Variants in DLG2 observed in about 807,000 individuals in gnomAD.
DLG2 encodes discs large MAGUK scaffold protein 2, also known as disks large homolog 2.
In DLG2, 45 loss-of-function variants were observed where a neutral mutation model predicts 132.5. The ratio of observed to expected loss-of-function variants is 0.34; its 90% CI spans 0.27 to 0.44. DLG2 has a LOEUF of 0.44. Among genes scored for constraint, DLG2 ranks in the 20% least tolerant of loss-of-function variants. The probability of loss-of-function intolerance (pLI) is 1.00; values close to 1 mark genes in which losing one functional copy is unlikely to be tolerated. For missense variants in DLG2, 1,045 were observed against 1,196.9 expected, an observed-to-expected ratio of 0.87 and a Z score of 1.87; for synonymous variants, 424 against 419.6, an observed-to-expected ratio of 1.01 and a Z score of -0.13.
intron 3 of DLG2, among the ~76,000 whole-genome samples, chr11:85,404,517 C>T (rs924849644): frequency 1.3e-5 from 2 of 151,838 alleles, no homozygotes; most frequent in Non-Finnish European, 2.9e-5. Context: ...AAGGATTGGG[C>T]TCTAATGGGG....
chr11:84,468,839 C>A (rs1354318651), intron 7 of DLG2, among the ~76,000 whole-genome samples: 1 of 151,594 alleles, frequency 6.6e-6, no homozygotes. Flanking sequence ...ATGTTTTAAT[C>A]CTTGCTATTT....
chr11:85,534,979 C>T (rs2075478924), intron 3 of DLG2, among the ~76,000 whole-genome samples: 1 of 152,172 alleles, frequency 6.6e-6, no homozygotes, highest in South Asian at 2.1e-4. Flanking sequence ...GTTCCCTTTT[C>T]TCCACAACCT....
At chr11:84,884,235 T>C (rs1566262112) in intron 6 of DLG2, among the ~76,000 whole-genome samples, 1 of 152,078 alleles carries the variant, frequency 6.6e-6, no homozygotes, top group Non-Finnish European at 1.5e-5. Flanking sequence ...TAGTCTGATG[T>C]TAGTTATCTC....
chr11:83,854,881 A>C (rs2060279610), intron 16 of DLG2, among the ~76,000 whole-genome samples: 1 of 123,898 alleles, frequency 8.1e-6, no homozygotes, highest in Non-Finnish European at 1.9e-5. Flanking sequence ...GACAAGCTAA[A>C]TACTGAGAGA....
At chr11:85,429,994 G>A (rs2091053148) in intron 3 of DLG2, among the ~76,000 whole-genome samples, 1 of 152,138 alleles carries the variant, frequency 6.6e-6, no homozygotes, top group South Asian at 2.1e-4. Context: ...TTAAGAAAAT[G>A]TGGCACACAT....
chr11:84,545,603 C>T (rs1170679606), intron 6 of DLG2: 2 of 350,198 alleles, frequency 5.7e-6, no homozygotes, highest in Non-Finnish European at 1.1e-5. Flanking sequence ...TGGCCATTCA[C>T]AATATGGTAC....
At chr11:83,828,054 G>A (rs2053397303) in intron 17 of DLG2, among the ~76,000 whole-genome samples, 1 of 152,104 alleles carries the variant, frequency 6.6e-6, no homozygotes, top group African/African-American at 2.4e-5. Context: ...GTGGGGATAA[G>A]GGGTAGGCCT....
intron 8 of DLG2, among the ~76,000 whole-genome samples, chr11:84,246,582 T>C (rs374419808): frequency 3.3e-5 from 5 of 152,348 alleles, no homozygotes; most frequent in Admixed American, 2.6e-4. Context: ...ATGATGAAGC[T>C]GCTAAGATCT....
intron 6 of DLG2, among the ~76,000 whole-genome samples, chr11:84,819,962 C>A (rs916613511): frequency 4.6e-5 from 7 of 151,204 alleles, no homozygotes; most frequent in African/African-American, 1.7e-4. Context: ...TATGAATCTG[C>A]TACAAAGAGG....
Position 83,457,954 on chromosome 11 carries a change from CAA to C in DLG2, c.*1862_*1863del, listed in dbSNP as rs1257796120. 2.0e-5 allele frequency: 3 copies of C among 152,594 alleles called. No homozygotes were observed. Among genetic ancestry groups the C allele is most frequent in the African/African-American group, 7.2e-5 (3 of 41,418 alleles). The allele number at this position is 152,594 out of a possible 1,614,324, so 9.5% of individuals were successfully genotyped here. On this transcript the variant is annotated 3_prime_UTR_variant, in exon 28 of 28. Coordinates refer to ENST00000376104, the MANE Select transcript of DLG2 (RefSeq NM_001142699.3). ...GTTTTGGTGACTGTAGCCAGGCAGA[CAA>C]TGATGTTTAGCGTAAGATGAACAAT...
intron 17 of DLG2, among the ~76,000 whole-genome samples, chr11:83,828,727 C>A (rs1202528439): frequency 6.6e-6 from 1 of 152,160 alleles, no homozygotes; most frequent in African/African-American, 2.4e-5. Flanking sequence ...ACATGGGTAT[C>A]TGAACCTTTT....
chr11:85,539,703 G>A (rs7939547), intron 3 of DLG2, among the ~76,000 whole-genome samples: 5,489 of 152,088 alleles, frequency 0.036, 149 homozygotes, highest in Admixed American at 0.053. Context: ...GAGTTTAACC[G>A]ATAAATATAT....
intron 15 of DLG2, among the ~76,000 whole-genome samples, chr11:83,907,073 T>A (rs1001314050): frequency 6.6e-6 from 1 of 152,250 alleles, no homozygotes; most frequent in South Asian, 2.1e-4. Flanking sequence ...CATTTGAAGA[T>A]CTCGCACTGA....
intron 6 of DLG2, among the ~76,000 whole-genome samples, chr11:84,749,134 T>C (rs530769001): frequency 2.8e-4 from 43 of 152,308 alleles, no homozygotes; most frequent in African/African-American, 8.9e-4. Flanking sequence ...CTCAGTCAAC[T>C]AGAATTTTTT....
intron 6 of DLG2, among the ~76,000 whole-genome samples, chr11:84,714,621 C>CTTTTT (rs1491491747): frequency 8.8e-6 from 1 of 114,048 alleles, no homozygotes; most frequent in African/African-American, 4.2e-5. Context: ...TTCTCTTTCT[C>CTTTTT]TTTCTCTCTC....
intron 6 of DLG2, among the ~76,000 whole-genome samples, chr11:85,034,725 G>C (rs2061313410): frequency 6.6e-6 from 1 of 152,124 alleles, no homozygotes; most frequent in Admixed American, 6.5e-5. Context: ...CCTTTGCTGA[G>C]ACTCTAGTTT....
At chr11:84,640,759 G>A (rs988636804) in intron 6 of DLG2, among the ~76,000 whole-genome samples, 2 of 152,092 alleles carry the variant, frequency 1.3e-5, no homozygotes, top group African/African-American at 4.8e-5. Context: ...GACCAACGTG[G>A]TGAAACCCCA....
intron 18 of DLG2, among the ~76,000 whole-genome samples, chr11:83,724,633 T>C (rs1316286109): frequency 8.6e-5 from 13 of 151,898 alleles, no homozygotes. Context: ...GGATAAAAAT[T>C]CACTGATTGT....
At chr11:83,931,269 A>C (rs528889841) in intron 14 of DLG2, among the ~76,000 whole-genome samples, 1 of 152,352 alleles carries the variant, frequency 6.6e-6, no homozygotes, top group South Asian at 2.1e-4. Context: ...CTGCATCTTA[A>C]TTTGAAAATA....
Sources: allele counts gnomAD v4.1 joint callset (sites outside exome capture counted in the v4.1 genomes callset), GRCh38; gene constraint gnomAD v4.1.1; transcripts MANE v1.5; gene names NCBI Gene and HGNC (gene_info 2026-07-23, HGNC 2026-07-21).